Variants in CTIF observed in about 807,000 individuals in gnomAD.
CTIF encodes cap binding complex dependent translation initiation factor, also known as CBP80/20-dependent translation initiation factor.
A neutral mutation model predicts 66.0 loss-of-function variants in CTIF; 21 were observed. The observed-to-expected ratio is 0.32, with a 90% CI of 0.23 to 0.46. The LOEUF (loss-of-function observed/expected upper bound fraction) is 0.46, where lower values mean the gene tolerates loss of function less well. Ranked by LOEUF, CTIF falls within the 20% of genes least tolerant of loss-of-function variation. The probability of loss-of-function intolerance (pLI) is 1.00; values close to 1 mark genes in which losing one functional copy is unlikely to be tolerated. For missense variants in CTIF, 739 were observed against 812.7 expected (o/e 0.91, Z 1.10); for synonymous variants, 345 against 326.4 (o/e 1.06, Z -0.62).
intron 1 of CTIF, among the ~76,000 whole-genome samples, chr18:48,607,429 A>T (rs2090223493): frequency 1.3e-5 from 2 of 152,198 alleles, no homozygotes; most frequent in East Asian, 3.8e-4. Context: ...TCCACTTGTA[A>T]TGTGCCACCC....
rs368461437 is a variant in CTIF at position 48,758,565 on chromosome 18, A to C, written c.1071+160A>C. On this transcript the variant is annotated intron_variant, in intron 8 of 11. Coordinates refer to ENST00000256413, the MANE Select transcript of CTIF (RefSeq NM_014772.3). Reference sequence around the variant, plus strand: ...TTCGGTCACTGTGGGGACCAACCACACTGGTCCACCACTGCCAGCAGGTAG... The same window carrying C: ...TTCGGTCACTGTGGGGACCAACCACCCTGGTCCACCACTGCCAGCAGGTAG... Among the ~76,000 whole-genome samples, 5 of 152,178 alleles carry C rather than the reference A, an allele frequency of 3.3e-5. No homozygotes were observed. The East Asian group carries it at 9.7e-4, about 30-fold the overall frequency.
chr18:48,813,507 T>C (rs11662390), intron 9 of CTIF, among the ~76,000 whole-genome samples: 13,367 of 152,308 alleles, frequency 0.088, 663 homozygotes, highest in African/African-American at 0.12. Flanking sequence ...TGGTCTTTTG[T>C]GTTTGCTGTG....
chr18:48,700,438 C>A (rs1219730623), intron 6 of CTIF, among the ~76,000 whole-genome samples: 3 of 152,216 alleles, frequency 2.0e-5, no homozygotes, highest in Admixed American at 6.5e-5. Context: ...GACAGCAGGA[C>A]AGTGATGAAC....
chr18:48,750,887 A>G (rs1289399977), intron 7 of CTIF, among the ~76,000 whole-genome samples: 1 of 152,128 alleles, frequency 6.6e-6, no homozygotes, highest in East Asian at 1.9e-4. Flanking sequence ...GCTGCCCTAC[A>G]CTCTCAGAAC....
At chr18:48,709,237 G>A (rs372346167) in intron 6 of CTIF, among the ~76,000 whole-genome samples, 28 of 152,212 alleles carry the variant, frequency 1.8e-4, no homozygotes, top group African/African-American at 6.8e-4. Flanking sequence ...TAGAGCACAG[G>A]CCTCTAACCA....
intron 7 of CTIF, among the ~76,000 whole-genome samples, chr18:48,718,855 A>G (rs2092306839): frequency 6.6e-6 from 1 of 152,154 alleles, no homozygotes; most frequent in African/African-American, 2.4e-5. Context: ...ACTCCAATCA[A>G]TATCAATATC....
intron 5 of CTIF, among the ~76,000 whole-genome samples, chr18:48,668,189 G>A (rs771315192): frequency 6.6e-6 from 1 of 152,244 alleles, no homozygotes; most frequent in Non-Finnish European, 1.5e-5. Flanking sequence ...GCGCTGAGGC[G>A]AGAACAGAAA....
At chr18:48,827,758 C>T (rs1265756875) in intron 10 of CTIF, among the ~76,000 whole-genome samples, 1 of 152,158 alleles carries the variant, frequency 6.6e-6, no homozygotes, top group East Asian at 1.9e-4. Flanking sequence ...ATGAATACCC[C>T]AGCTTAAGCG....
intron 3 of CTIF, among the ~76,000 whole-genome samples, chr18:48,655,616 G>A (rs2091234858): frequency 6.6e-6 from 1 of 152,138 alleles, no homozygotes; most frequent in Admixed American, 6.5e-5. Context: ...CCCAGAGCTG[G>A]GTCCTGCACA....
chr18:48,804,655 C>T (rs868502197), intron 9 of CTIF, among the ~76,000 whole-genome samples: 3 of 152,188 alleles, frequency 2.0e-5, no homozygotes, highest in Admixed American at 6.5e-5. Flanking sequence ...CTCATTTAAG[C>T]CAAGGAGGTT....
At chr18:48,584,859 T>G (rs1044395243) in intron 1 of CTIF, among the ~76,000 whole-genome samples, 1 of 152,236 alleles carries the variant, frequency 6.6e-6, no homozygotes, top group Non-Finnish European at 1.5e-5. Context: ...GAAGCATAAT[T>G]CACATACAGT....
rs191064284 is a variant in CTIF, at chr18:48,680,753, C to G, written c.507+10009C>G. ...TGCTTGCCGGTCCAGCATCTTCCCT[C>G]CTCTGTCCTTTGTGGAAGGAGCCGC... On this transcript the variant is annotated intron_variant, in intron 6 of 11. Coordinates refer to ENST00000256413, the MANE Select transcript of CTIF (RefSeq NM_014772.3). 3.0e-4 allele frequency among the ~76,000 whole-genome samples: 46 copies of G among 152,376 alleles called. No homozygotes were observed. The East Asian group carries it at 8.3e-3, about 27-fold the overall frequency.
intron 9 of CTIF, among the ~76,000 whole-genome samples, chr18:48,813,448 G>A (rs1420001852): frequency 6.6e-6 from 1 of 151,838 alleles, no homozygotes; most frequent in Non-Finnish European, 1.5e-5. Context: ...TTGTGTAGAT[G>A]CCATATTGCT....
At chr18:48,821,294 A>G (rs1167966451) in intron 10 of CTIF, among the ~76,000 whole-genome samples, 3 of 152,360 alleles carry the variant, frequency 2.0e-5, no homozygotes, top group South Asian at 2.1e-4. Flanking sequence ...ATCTCACTGC[A>G]TGGACGCCTC....
At position 48,669,809 on chromosome 18, in the gene CTIF, A is replaced by G. The variant is rs1189601076; in HGVS notation, c.432-860A>G. 8.0e-4 allele frequency among the ~76,000 whole-genome samples: 81 copies of G among 101,782 alleles called. 3 individuals are homozygous for G. Among genetic ancestry groups the G allele is most frequent in the African/African-American group, 2.8e-3 (75 of 27,142 alleles). The allele number at this position is 101,782 out of a possible 152,430, so 66.8% of individuals were successfully genotyped here. A position where few individuals can be genotyped will look rare whatever the true frequency, so the allele number is the denominator to read the frequency against. ...GCTAAACATTTATATATATATATAT[A>G]TATATATATATATATATATATATAT... is the stretch of plus-strand genomic sequence containing the variant. On this transcript the variant is annotated intron_variant, in intron 5 of 11. Transcript: ENST00000256413.
chr18:48,621,067 A>T (rs1427888813), intron 2 of CTIF, among the ~76,000 whole-genome samples: 1 of 152,190 alleles, frequency 6.6e-6, no homozygotes, highest in Non-Finnish European at 1.5e-5. Context: ...TTGTTATTCA[A>T]TCCATGAGTG....
intron 6 of CTIF, among the ~76,000 whole-genome samples, chr18:48,706,883 C>G (rs990058626): frequency 1.3e-5 from 2 of 152,206 alleles, no homozygotes; most frequent in Non-Finnish European, 2.9e-5. Context: ...CTACTTGTCT[C>G]TCAGGCCCAT....
intron 10 of CTIF, among the ~76,000 whole-genome samples, chr18:48,818,911 G>A (rs919435117): frequency 6.6e-5 from 10 of 152,164 alleles, no homozygotes; most frequent in Admixed American, 6.5e-4. Context: ...AAGTTTTTCT[G>A]TGAATGGCAG....
chr18:48,696,866 A>G (rs538643483), intron 6 of CTIF, among the ~76,000 whole-genome samples: 1 of 152,306 alleles, frequency 6.6e-6, no homozygotes, highest in African/African-American at 2.4e-5. Flanking sequence ...GGGCCTAAGC[A>G]TCTGTGGTGT....
Sources: allele counts gnomAD v4.1 joint callset (sites outside exome capture counted in the v4.1 genomes callset), GRCh38; gene constraint gnomAD v4.1.1; transcripts MANE v1.5; gene names NCBI Gene and HGNC (gene_info 2026-07-23, HGNC 2026-07-21).